RNF19B: variants seen among roughly 807,000 people sequenced by gnomAD.
The protein encoded by RNF19B is ring finger protein 19B, also known as E3 ubiquitin-protein ligase RNF19B.
A neutral mutation model predicts 65.5 loss-of-function variants in RNF19B; 23 were observed. That is an observed-to-expected ratio of 0.35 (90% CI 0.25 to 0.50). RNF19B has a LOEUF of 0.50. Ranked by LOEUF, RNF19B falls within the 20% of genes least tolerant of loss-of-function variation. RNF19B has a pLI of 0.98. For synonymous variants in RNF19B, 372 were observed against 379.6 expected (o/e 0.98, Z 0.23); for missense variants, 794 against 980.0 (o/e 0.81, Z 2.53).
At chr1:32,946,304 C>T in intron 4 of RNF19B, 98 bp downstream of exon 4, 1 of 1,000,876 alleles carries the variant, frequency 1.0e-6, no homozygotes, top group Non-Finnish European at 1.5e-6. Flanking sequence ...AGCTGGTTTT[C>T]AGGCAGCTCT....
At chr1:32,960,050 C>CAAAA (rs879348172) in intron 1 of RNF19B, among the ~76,000 whole-genome samples, 227 of 135,882 alleles carry the variant, frequency 1.7e-3, no homozygotes, top group African/African-American at 5.7e-3. Context: ...GACTCCGTCT[C>CAAAA]AAAAAAAAAA....
At chr1:32,958,851 GTGAT>G (rs1343169013) in intron 1 of RNF19B, among the ~76,000 whole-genome samples, 4 of 152,156 alleles carry the variant, frequency 2.6e-5, no homozygotes, top group Non-Finnish European at 4.4e-5. Flanking sequence ...AGGCAGGGGA[GTGAT>G]ACAGATGTTC....
the RNF19B span, among the ~76,000 whole-genome samples, chr1:32,929,887 T>G: frequency 6.6e-6 from 1 of 152,210 alleles, no homozygotes; most frequent in African/African-American, 2.4e-5. Context: ...TCATCTCTAC[T>G]GATATCAGGG....
chr1:32,959,822 G>A (rs1467259540), intron 1 of RNF19B, among the ~76,000 whole-genome samples: 2 of 151,084 alleles, frequency 1.3e-5, no homozygotes, highest in Non-Finnish European at 2.9e-5. Flanking sequence ...CAGATCACGA[G>A]GTCAGGAGAT....
intron 1 of RNF19B, among the ~76,000 whole-genome samples, chr1:32,961,821 T>C (rs759067640): frequency 3.9e-5 from 6 of 152,130 alleles, no homozygotes; most frequent in Non-Finnish European, 8.8e-5. Flanking sequence ...TGCATTTTTA[T>C]TGATGTGAGC....
At chr1:32,934,691 A>T (rs1311072612), downstream of RNF19B, among the ~76,000 whole-genome samples, 1 of 152,004 alleles carries the variant, frequency 6.6e-6, no homozygotes, top group Non-Finnish European at 1.5e-5. Context: ...TAAATACATA[A>T]ATAAGATCTG....
chr1:32,941,590 A>C lies in RNF19B; in HGVS notation c.1610+662T>G, dbSNP rs1642233449. Among the ~76,000 whole-genome samples, 5 of 152,146 alleles carry C rather than the reference A, an allele frequency of 3.3e-5. No homozygotes were observed. The South Asian group carries it at 1.0e-3, about 32-fold the overall frequency. ...CCATGATACAGCATAAATGCTACTG[A>C]AAGCCAATGACAAGCCTAACGGAGA... On this transcript the variant is annotated intron_variant, in intron 7 of 8. Transcript: ENST00000235150.
intron 1 of RNF19B, among the ~76,000 whole-genome samples, chr1:32,954,196 G>C (rs544090781): frequency 6.6e-6 from 1 of 150,942 alleles, no homozygotes; most frequent in African/African-American, 2.4e-5. Context: ...ACAAGTGTGA[G>C]CCACCGTGCC....
intron 1 of RNF19B, among the ~76,000 whole-genome samples, chr1:32,958,857 C>G (rs561889526): frequency 6.6e-6 from 1 of 152,002 alleles, no homozygotes; most frequent in Non-Finnish European, 1.5e-5. Flanking sequence ...GGGAGTGATA[C>G]AGATGTTCTC....
intron 3 of RNF19B, 85 bp downstream of exon 3, chr1:32,948,137 A>G: frequency 7.0e-7 from 1 of 1,434,500 alleles, no homozygotes; most frequent in South Asian, 1.3e-5. Flanking sequence ...GTAATGAGAG[A>G]ACGGATGTGT....
At chr1:32,943,224 C>T (rs559005397) in intron 6 of RNF19B, among the ~76,000 whole-genome samples, 1 of 151,990 alleles carries the variant, frequency 6.6e-6, no homozygotes, top group South Asian at 2.1e-4. Flanking sequence ...TTACTTACTA[C>T]GAGTAGAAAC....
At chr1:32,952,950 G>A (rs1248234654) in intron 1 of RNF19B, among the ~76,000 whole-genome samples, 2 of 147,244 alleles carry the variant, frequency 1.4e-5, no homozygotes, top group Non-Finnish European at 3.0e-5. Flanking sequence ...AGTTATGAAA[G>A]TTAATCACAC....
intron 1 of RNF19B, among the ~76,000 whole-genome samples, chr1:32,950,868 G>A (rs973022265): frequency 1.4e-5 from 2 of 139,496 alleles, no homozygotes; most frequent in African/African-American, 5.4e-5. Context: ...TTGAGATGGA[G>A]TCTCGCTCTG....
Position 32,944,078 on chromosome 1 carries a change from C to T in RNF19B, c.1343G>A (p.Ser448Asn). The change falls in exon 6 of 9, where the codon AGC becomes AAC. Residue 448 changes from serine to asparagine, a missense_variant. Ser to Asn is a conservative substitution (Grantham distance 46). Transcript: ENST00000235150. ...TTTCACTCCTTTTCCGTTGGCTGTG[C>T]TAACTCCACAGCCGCCTCCACGACA... The part of the protein sequence containing the change: ...SLCRGGGCGV[S>N]TANGKGVKIE... 1 of 1,613,588 alleles carries T rather than the reference C, an allele frequency of 6.2e-7. No individual in the cohort carries two copies. Among genetic ancestry groups the T allele is most frequent in the Non-Finnish European group, 8.5e-7 (1 of 1,179,578 alleles).
Position 32,964,592 on chromosome 1 carries a change from G to T in RNF19B, c.94C>A (p.Arg32Ser). 2.1e-6 allele frequency: 3 copies of T among 1,446,978 alleles called. No individual in the cohort carries two copies. Among genetic ancestry groups the T allele is most frequent in the Non-Finnish European group, 2.7e-6 (3 of 1,102,476 alleles). The allele number at this position is 1,446,978 out of a possible 1,614,324, so 89.6% of individuals were successfully genotyped here. A position where few individuals can be genotyped will look rare whatever the true frequency, so the allele number is the denominator to read the frequency against. The part of the protein sequence containing the change: ...PKCRSGGRRR[R>S]LTLHSVFSAS... Reference sequence around the variant, plus strand: ...GAGAAGACGCTGTGCAAGGTGAGGCGCCGGCGCCGGCCGCCGCTGCGGCAC... The same window carrying T: ...GAGAAGACGCTGTGCAAGGTGAGGCTCCGGCGCCGGCCGCCGCTGCGGCAC... Residue 32 changes from arginine to serine, a missense_variant, in exon 1 of 9, where the codon CGC becomes AGC. Transcript: ENST00000235150. The surrounding 1 kb of genome is among the most constrained non-coding windows in gnomAD (Gnocchi z 6.5).
At chr1:32,956,337 A>G (rs1642638222) in intron 1 of RNF19B, among the ~76,000 whole-genome samples, 1 of 152,222 alleles carries the variant, frequency 6.6e-6, no homozygotes. Context: ...AGATTGCACC[A>G]CTGCACTCCA....
intron 1 of RNF19B, among the ~76,000 whole-genome samples, chr1:32,957,459 C>T (rs1419560342): frequency 6.6e-6 from 1 of 152,234 alleles, no homozygotes; most frequent in East Asian, 1.9e-4. Context: ...CCAGGTGAAA[C>T]TTCCTATCAA....
In RNF19B at chr1:32,949,792, AAG is replaced by A. The variant is rs1205422914; in HGVS notation, c.636-20_636-19del. On this transcript the variant is annotated intron_variant, in intron 1 of 8. Transcript: ENST00000235150. The stretch of plus-strand genomic sequence containing the variant: ...CAGCATAACTAGGTAAGGAAACAGT[AAG>A]AGATACCAGTAAGGTAAGAATGATC... 1 of 1,588,098 alleles carries A rather than the reference AAG, an allele frequency of 6.3e-7. No individual in the cohort carries two copies. Among genetic ancestry groups the A allele is most frequent in the East Asian group, 2.2e-5 (1 of 44,784 alleles).
intron 6 of RNF19B, among the ~76,000 whole-genome samples, chr1:32,943,619 A>G (rs1466326654): frequency 1.3e-5 from 2 of 152,202 alleles, no homozygotes; most frequent in African/African-American, 2.4e-5. Context: ...CTCAAAAAAA[A>G]AAAAAGAAAT....
Sources: gnomAD v4.1 joint callset for allele counts (sites outside exome capture counted in the v4.1 genomes callset) on GRCh38, gnomAD v4.1.1 for gene constraint, Gnocchi (gnomAD v3.1) non-coding constraint, MANE v1.5 for transcripts, NCBI Gene and HGNC (gene_info 2026-07-23, HGNC 2026-07-21) for gene names.